The following WDR19 variants were observed in gnomAD, a reference collection of about 807,000 sequenced individuals.
WDR19 encodes the protein WD repeat-containing protein 19.
WDR19 carries 121 observed loss-of-function variants against 180.0 expected under a neutral mutation model. The observed-to-expected ratio is 0.67, with a 90% CI of 0.58 to 0.78. The LOEUF (loss-of-function observed/expected upper bound fraction) is 0.78, where lower values mean the gene tolerates loss of function less well. WDR19 is among the 30% of genes least tolerant of loss of function. The pLI, the probability that WDR19 is intolerant of heterozygous loss-of-function variation, is 0.00. For synonymous variants in WDR19, 497 were observed against 540.7 expected, an observed-to-expected ratio of 0.92 and a Z score of 1.12; for missense variants, 1,450 against 1,640.7, an observed-to-expected ratio of 0.88 and a Z score of 2.01.
chr4:39,279,575 T>C (rs1381388884), intron 36 of WDR19, among the ~76,000 whole-genome samples: 2 of 152,242 alleles, frequency 1.3e-5, no homozygotes, highest in Admixed American at 6.5e-5. Context: ...ACTGGCCTTC[T>C]TGCCCTTCCC....
At chr4:39,210,092 C>G (rs1260838147) in intron 9 of WDR19, among the ~76,000 whole-genome samples, 2 of 152,144 alleles carry the variant, frequency 1.3e-5, no homozygotes, top group African/African-American at 4.8e-5. Context: ...TTCTGCCAAA[C>G]ACTTGAGAAA....
intron 4 of WDR19, among the ~76,000 whole-genome samples, chr4:39,190,734 A>G (rs1331040061): frequency 1.3e-5 from 2 of 152,230 alleles, no homozygotes; most frequent in African/African-American, 4.8e-5. Context: ...CGTTGAGGCA[A>G]GTAGCTGCAG....
intron 15 of WDR19, 44 bp downstream of exon 15, chr4:39,225,077 T>A (rs1314788609): frequency 6.9e-7 from 1 of 1,446,050 alleles, no homozygotes; most frequent in Admixed American, 3.0e-5. Context: ...TGAAATGCAA[T>A]ATAGGGAAAA....
In WDR19 at chr4:39,234,857, C is replaced by T; in HGVS notation, c.2345C>T (p.Ala782Val). The change falls in exon 20 of 37, where the codon GCT (alanine) becomes GTT (valine). Residue 782 changes from alanine (A) to valine (V), a missense_variant. Ala to Val is a moderately conservative substitution (Grantham distance 64). Coordinates refer to ENST00000399820, the MANE Select transcript of WDR19 (RefSeq NM_025132.4). ...DQIPFISKEYAIQLEFAGDYV... is the reference protein window; with the variant it reads ...DQIPFISKEYVIQLEFAGDYV... ...ATACCTTTTATATCAAAAGAATATG[C>T]TATTCAGCTTGAATTCGCGTAAGTC... 1.9e-6 allele frequency: 3 copies of T among 1,565,244 alleles called. No homozygotes were observed. The highest frequency in any genetic ancestry group is 2.6e-6 in the Non-Finnish European group (3 of 1,153,558).
intron 36 of WDR19, among the ~76,000 whole-genome samples, chr4:39,283,695 A>G (rs973902226): frequency 6.6e-6 from 1 of 152,204 alleles, no homozygotes; most frequent in Non-Finnish European, 1.5e-5. Context: ...AAAGGAAATT[A>G]TAAAGAAAAA....
At position 39,216,223 on chromosome 4, in the gene WDR19, C is replaced by T. The variant is rs991493411; in HGVS notation, c.1249+13C>T. 4 of 1,537,618 alleles carry T rather than the reference C, an allele frequency of 2.6e-6. No homozygotes were observed. The highest frequency in any genetic ancestry group is 3.5e-6 in the Non-Finnish European group (4 of 1,142,478). On this transcript the variant is annotated intron_variant, in intron 12 of 36. Coordinates refer to ENST00000399820, the MANE Select transcript of WDR19 (RefSeq NM_025132.4). ...CTTGGAGAAAATGGCAAGTCTAAATCCAGTTGTTTATTCTTATCTAGCACA... is the reference window on the plus strand; with the variant it reads ...CTTGGAGAAAATGGCAAGTCTAAATTCAGTTGTTTATTCTTATCTAGCACA...
chr4:39,231,710 C>A, intron 17 of WDR19, 87 bp from the exon 18 acceptor site: 2 of 1,202,612 alleles, frequency 1.7e-6, no homozygotes, highest in East Asian at 2.6e-5. Context: ...TTATCTGGGG[C>A]ACGCTATTAG....
chr4:39,257,386 A>G, intron 27 of WDR19, 100 bp from the exon 28 acceptor site: 1 of 1,128,546 alleles, frequency 8.9e-7, no homozygotes. Flanking sequence ...AGATACTTTC[A>G]CAGACTGTAA....
chr4:39,231,671 A>G (rs1439200733), intron 17 of WDR19, 126 bp from the exon 18 acceptor site: 2 of 763,656 alleles, frequency 2.6e-6, no homozygotes, highest in East Asian at 2.9e-5. Context: ...GTAAATGACA[A>G]TTACAGGTTA....
chr4:39,209,690 T>A (rs1372382957), intron 9 of WDR19, among the ~76,000 whole-genome samples: 3 of 136,340 alleles, frequency 2.2e-5, no homozygotes, highest in African/African-American at 8.2e-5. Context: ...CCAGCCTCAG[T>A]GACAGAGCGA....
chr4:39,231,782 G>A lies in WDR19; in HGVS notation c.1983-15G>A, dbSNP rs1730894233. On this transcript the variant is annotated splice_polypyrimidine_tract_variant and intron_variant, in intron 17 of 36. Transcript: ENST00000399820. ...AGTGGAACATTCTGATTAAGCTTAT[G>A]TTCTTACATCCCAGGTTTTCTGATG... 2 of 1,568,788 alleles carry A rather than the reference G, an allele frequency of 1.3e-6. No homozygotes were observed. The highest frequency in any genetic ancestry group is 1.7e-6 in the Non-Finnish European group (2 of 1,149,188).
At chr4:39,226,546 T>C (rs1363186109) in intron 15 of WDR19, among the ~76,000 whole-genome samples, 2 of 152,286 alleles carry the variant, frequency 1.3e-5, no homozygotes, top group Non-Finnish European at 2.9e-5. Context: ...CAGTATAGCA[T>C]AGTGGTTAGA....
At chr4:39,243,013 A>C (rs935737724) in intron 21 of WDR19, among the ~76,000 whole-genome samples, 2 of 152,212 alleles carry the variant, frequency 1.3e-5, no homozygotes, top group African/African-American at 4.8e-5. Context: ...GTATGGTAGC[A>C]TTGCATCACT....
At position 39,279,173 on chromosome 4, in the gene WDR19, T is replaced by C. The variant is rs555500947; in HGVS notation, c.*13+510T>C. Among the ~76,000 whole-genome samples, 14 of 152,324 alleles carry C rather than the reference T, an allele frequency of 9.2e-5. No individual in the cohort carries two copies. In the East Asian group the frequency reaches 1.7e-3, roughly 19 times the overall value. On this transcript the variant is annotated intron_variant, in intron 36 of 36. Transcript: ENST00000399820. ...GAAGGCAGGGAAATGTAGTCTTTAA[T>C]TGAGAAGCCAAAAGCCGTGCCAAAA...
In WDR19 at chr4:39,215,928, T is replaced by G; in HGVS notation, c.1049T>G (p.Leu350Arg). 6.2e-7 allele frequency: 1 copy of G among 1,613,794 alleles called. No homozygotes were observed. The highest frequency in any genetic ancestry group is 8.5e-7 in the Non-Finnish European group (1 of 1,179,780). Residue 350 changes from leucine to arginine, a missense_variant, in exon 11 of 37, where the codon CTT becomes CGT. By Grantham distance (102) the Leu-to-Arg change is moderately radical (BLOSUM62 -2). Coordinates refer to ENST00000399820, the MANE Select transcript of WDR19 (RefSeq NM_025132.4). ...RGSLHVFLTK[L>R]PILGDACSTR... Reference sequence around the variant, plus strand: ...TCACTTCATGTTTTCCTGACCAAGCTTCCCATACTTGGGGATGCCTGCAGC... The same window carrying G: ...TCACTTCATGTTTTCCTGACCAAGCGTCCCATACTTGGGGATGCCTGCAGC...
At chr4:39,276,843 C>G in intron 33 of WDR19, 177 bp from the exon 34 acceptor site, 1 of 712,100 alleles carries the variant, frequency 1.4e-6, no homozygotes, top group Non-Finnish European at 2.3e-6. Flanking sequence ...GGTACTCTTC[C>G]TCCTCCCTGG....
intron 2 of WDR19, 91 bp from the exon 3 acceptor site, chr4:39,186,448 C>T: frequency 1.0e-6 from 1 of 1,002,000 alleles, no homozygotes; most frequent in Non-Finnish European, 1.4e-6. Context: ...CACTGCACTC[C>T]AGCCTGGGCA....
intron 36 of WDR19, among the ~76,000 whole-genome samples, chr4:39,283,236 A>G (rs938751951): frequency 2.0e-5 from 3 of 152,156 alleles, no homozygotes; most frequent in Admixed American, 2.0e-4. Context: ...TTATATGGTA[A>G]GGTATATTGA....
intron 14 of WDR19, among the ~76,000 whole-genome samples, chr4:39,220,417 C>A (rs965467613): frequency 6.6e-6 from 1 of 151,992 alleles, no homozygotes; most frequent in Admixed American, 6.6e-5. Flanking sequence ...CTCCTGGGCT[C>A]AAGCAATCGT....
Sources: gnomAD v4.1 joint callset for allele counts (sites outside exome capture counted in the v4.1 genomes callset) on GRCh38, gnomAD v4.1.1 for gene constraint, MANE v1.5 for transcripts, NCBI Gene and HGNC (gene_info 2026-07-23, HGNC 2026-07-21) for gene names.